SFMBT1: variants seen among roughly 807,000 people sequenced by gnomAD.
SFMBT1 encodes the protein scm-like with four MBT domains protein 1.
A neutral mutation model predicts 108.7 loss-of-function variants in SFMBT1; 32 were observed. The ratio of observed to expected loss-of-function variants is 0.29; its 90% CI spans 0.22 to 0.40. The LOEUF (loss-of-function observed/expected upper bound fraction) is 0.40, where lower values mean the gene tolerates loss of function less well. Among genes scored for constraint, SFMBT1 ranks in the 10% least tolerant of loss-of-function variants. The pLI is 1.00. For missense variants in SFMBT1, 816 were observed against 1,059.6 expected (o/e 0.77, Z 3.19); for synonymous variants, 348 against 369.5 (o/e 0.94, Z 0.67).
At chr3:52,982,454 C>T (rs958590162) in intron 1 of SFMBT1, among the ~76,000 whole-genome samples, 1 of 152,104 alleles carries the variant, frequency 6.6e-6, no homozygotes, top group Admixed American at 6.5e-5. Flanking sequence ...ATGGGCCGGA[C>T]GCGGTGGCTC....
chr3:52,925,982 A>C (rs376828801), intron 10 of SFMBT1, 49 bp downstream of exon 10: 1 of 1,350,160 alleles, frequency 7.4e-7, no homozygotes, highest in Non-Finnish European at 9.8e-7. Context: ...GAAGCACAGC[A>C]GTCCCTGCAG....
At chr3:52,942,323 G>T (rs1472958314) in intron 4 of SFMBT1, among the ~76,000 whole-genome samples, 1 of 152,098 alleles carries the variant, frequency 6.6e-6, no homozygotes, top group Non-Finnish European at 1.5e-5. Context: ...TGACTCTCAT[G>T]TGGTTCATTA....
chr3:52,960,570 T>C (rs1247495046), intron 2 of SFMBT1, among the ~76,000 whole-genome samples: 5 of 152,208 alleles, frequency 3.3e-5, no homozygotes, highest in African/African-American at 9.6e-5. Flanking sequence ...ACAGCCACTA[T>C]AGAAAACTGT....
intron 11 of SFMBT1, among the ~76,000 whole-genome samples, chr3:52,920,995 G>A (rs1456545941): frequency 6.6e-6 from 1 of 152,166 alleles, no homozygotes; most frequent in African/African-American, 2.4e-5. Flanking sequence ...TGGCAAAGGT[G>A]ACAATTTTAC....
chr3:52,932,264 G>A lies in SFMBT1; in HGVS notation c.498C>T (p.Ser166=). 6.2e-7 allele frequency: 1 copy of A among 1,614,152 alleles called. No homozygotes were observed. The highest frequency in any genetic ancestry group is 2.2e-5 in the East Asian group (1 of 44,880). The change falls in exon 6 of 21, where the codon TCC becomes TCT. Residue 166 remains serine (S), a synonymous_variant. Coordinates refer to ENST00000394752, the MANE Select transcript of SFMBT1 (RefSeq NM_016329.4). ...RNPLDLIAPG[S]RLECQAFQDS... ...CCTGGAAAGCTTGACATTCTAGTCTGGATCCTGGAGCAATGAGATCTAAAG... is the reference window on the plus strand; with the variant it reads ...CCTGGAAAGCTTGACATTCTAGTCTAGATCCTGGAGCAATGAGATCTAAAG...
chr3:52,941,990 T>C (rs1451396050), intron 4 of SFMBT1, among the ~76,000 whole-genome samples: 5 of 152,176 alleles, frequency 3.3e-5, no homozygotes, highest in Non-Finnish European at 7.3e-5. Context: ...TGATGGCTCA[T>C]GCCTGTGGTA....
At chr3:52,923,941 G>A (rs1451803002) in intron 10 of SFMBT1, among the ~76,000 whole-genome samples, 2 of 152,158 alleles carry the variant, frequency 1.3e-5, no homozygotes, top group African/African-American at 2.4e-5. Flanking sequence ...TCATCACTGT[G>A]AAAAGTGGTT....
chr3:53,012,712 A>T (rs1473403165), intron 1 of SFMBT1, among the ~76,000 whole-genome samples: 1 of 151,636 alleles, frequency 6.6e-6, no homozygotes, highest in East Asian at 1.9e-4. Context: ...GAGTGCTCTT[A>T]ATCCTTTGCT....
chr3:52,905,291 A>G lies in SFMBT1; in HGVS notation c.2461-15T>C. 1 of 1,610,534 alleles carries G rather than the reference A, an allele frequency of 6.2e-7. No homozygotes were observed. Among genetic ancestry groups the G allele is most frequent in the Non-Finnish European group, 8.5e-7 (1 of 1,178,436 alleles). ...CCATCAATTTCCTGTTAAAGCATAA[A>G]AGACAAATTATCTGTGATGTGCACA... On this transcript the variant is annotated splice_polypyrimidine_tract_variant and intron_variant, in intron 20 of 20. Coordinates refer to ENST00000394752, the MANE Select transcript of SFMBT1 (RefSeq NM_016329.4).
chr3:52,976,425 A>G (rs1704522140), intron 1 of SFMBT1, among the ~76,000 whole-genome samples: 1 of 152,210 alleles, frequency 6.6e-6, no homozygotes, highest in African/African-American at 2.4e-5. Flanking sequence ...TTGGCTATCC[A>G]TTTTGGGAGG....
intron 3 of SFMBT1, among the ~76,000 whole-genome samples, chr3:52,947,202 C>T (rs1241861871): frequency 1.3e-5 from 2 of 151,536 alleles, no homozygotes; most frequent in Non-Finnish European, 2.9e-5. Context: ...ACTGCAAGCT[C>T]CGCCTCCCAG....
intron 2 of SFMBT1, 63 bp downstream of exon 2, chr3:52,969,038 T>G (rs1440226555): frequency 3.1e-6 from 5 of 1,589,230 alleles, no homozygotes; most frequent in Non-Finnish European, 4.3e-6. Flanking sequence ...ACAGACAATA[T>G]AACACAGGCA....
intron 3 of SFMBT1, among the ~76,000 whole-genome samples, chr3:52,945,208 G>C (rs1183732087): frequency 4.9e-5 from 7 of 143,280 alleles, no homozygotes. Context: ...AATACAATTA[G>C]AGCCTGGAAT....
At chr3:52,976,907 A>G (rs1229331537) in intron 1 of SFMBT1, among the ~76,000 whole-genome samples, 3 of 152,236 alleles carry the variant, frequency 2.0e-5, no homozygotes, top group African/African-American at 4.8e-5. Flanking sequence ...AAAGATTAGT[A>G]ACACTGAATA....
chr3:53,024,414 T>C (rs1327839805), intron 1 of SFMBT1, among the ~76,000 whole-genome samples: 1 of 152,138 alleles, frequency 6.6e-6, no homozygotes, highest in Non-Finnish European at 1.5e-5. Context: ...GGCATGTTCC[T>C]ATGTGGAACA....
chr3:53,027,277 T>C (rs1699525608), intron 1 of SFMBT1, among the ~76,000 whole-genome samples: 1 of 152,180 alleles, frequency 6.6e-6, no homozygotes. Context: ...ACTCTACAAA[T>C]GTTAGCCCAT....
chr3:53,001,208 A>C (rs542735751), intron 1 of SFMBT1, among the ~76,000 whole-genome samples: 1 of 150,348 alleles, frequency 6.7e-6, no homozygotes, highest in Non-Finnish European at 1.5e-5. Context: ...AAACAAGTAC[A>C]CATAAATATT....
intron 1 of SFMBT1, among the ~76,000 whole-genome samples, chr3:53,033,477 C>G (rs1420905202): frequency 6.6e-6 from 1 of 151,990 alleles, no homozygotes; most frequent in Admixed American, 6.6e-5. Context: ...TTTTTTAATA[C>G]TAACTTTTTT....
chr3:53,005,908 C>A (rs567733462), intron 1 of SFMBT1, among the ~76,000 whole-genome samples: 1 of 152,252 alleles, frequency 6.6e-6, no homozygotes, highest in South Asian at 2.1e-4. Flanking sequence ...TCTGAAAGAG[C>A]CTGTGGTCCA....
Sources: allele counts gnomAD v4.1 joint callset (sites outside exome capture counted in the v4.1 genomes callset), GRCh38; gene constraint gnomAD v4.1.1; transcripts MANE v1.5; gene names NCBI Gene and HGNC (gene_info 2026-07-23, HGNC 2026-07-21).